The following MKNK2 variants were observed in gnomAD, a reference collection of about 807,000 sequenced individuals.
The protein encoded by MKNK2 is MAP kinase-interacting serine/threonine-protein kinase 2.
MKNK2 carries 54 observed loss-of-function variants against 55.0 expected under a neutral mutation model. The ratio of observed to expected loss-of-function variants is 0.98; its 90% confidence interval spans 0.79 to 1.23. The LOEUF (loss-of-function observed/expected upper bound fraction) is 1.23. Ranked by LOEUF, MKNK2 falls within the 50% of genes most tolerant of loss-of-function variation. The pLI, the probability that MKNK2 is intolerant of heterozygous loss-of-function variation, is 0.00. For missense variants in MKNK2, 685 were observed against 632.1 expected, an observed-to-expected ratio of 1.08 and a Z score of -0.90; for synonymous variants, 323 against 256.0, an observed-to-expected ratio of 1.26 and a Z score of -2.50.
chr19:2,039,534 A>T lies in MKNK2; in HGVS notation c.*79T>A. 2 of 1,498,400 alleles carry T rather than the reference A, an allele frequency of 1.3e-6. No homozygotes were observed. The highest frequency in any genetic ancestry group is 1.8e-6 in the Non-Finnish European group (2 of 1,121,270). The allele number at this position is 1,498,400 out of a possible 1,614,324, so 92.8% of individuals were successfully genotyped here. On this transcript the variant is annotated 3_prime_UTR_variant, in exon 14 of 14. Coordinates refer to ENST00000250896, the MANE Select transcript of MKNK2 (RefSeq NM_199054.3). The stretch of plus-strand genomic sequence containing the variant: ...GCAGAGGAGGGGCAGCCCGCTGGAC[A>T]CCGGCTGGCGATAGCTTAAAAAACC...
At position 2,037,875 on chromosome 19, in the gene MKNK2, C is replaced by A; in HGVS notation, c.*1738G>T. On this transcript the variant is annotated 3_prime_UTR_variant, in exon 14 of 14. Coordinates refer to ENST00000250896, the MANE Select transcript of MKNK2 (RefSeq NM_199054.3). The stretch of plus-strand genomic sequence containing the variant: ...ACAAACAAACAAACGCTGCTAGCCA[C>A]TCAGCTTTAGAGACCCGATGGCTAT... 1 of 1,540,536 alleles carries A rather than the reference C, an allele frequency of 6.5e-7. No homozygotes were observed.
At position 2,044,465 on chromosome 19, in the gene MKNK2, G is replaced by A. The variant is rs745626895; in HGVS notation, c.340-883C>T. On this transcript the variant is annotated intron_variant, in intron 5 of 13. Transcript: ENST00000250896. ...ACCTTCACTCACAGAGGTGGGGTGAGGAGGCGTCTGCAGCTTCCCCTGGCA... is the reference window on the plus strand; with the variant it reads ...ACCTTCACTCACAGAGGTGGGGTGAAGAGGCGTCTGCAGCTTCCCCTGGCA... 6.4e-4 allele frequency among the ~76,000 whole-genome samples: 98 copies of A among 152,334 alleles called. 1 individual carries two copies. The highest frequency in any genetic ancestry group is 1.3e-3 in the Non-Finnish European group (88 of 68,018).
chr19:2,050,730 C>A (rs980492007), intron 2 of MKNK2, 71 bp downstream of exon 2: 5 of 1,421,852 alleles, frequency 3.5e-6, no homozygotes, highest in Non-Finnish European at 3.8e-6. Context: ...TAGGGGCGGG[C>A]CCCGCGCCCC....
chr19:2,047,125 G>A (rs1324351783), intron 2 of MKNK2, among the ~76,000 whole-genome samples: 1 of 152,206 alleles, frequency 6.6e-6, no homozygotes, highest in Non-Finnish European at 1.5e-5. Context: ...ACCTCAGCAA[G>A]GCAAGATCAG....
At chr19:2,044,907 G>A in intron 5 of MKNK2, among the ~76,000 whole-genome samples, 1 of 152,176 alleles carries the variant, frequency 6.6e-6, no homozygotes, top group East Asian at 1.9e-4. Flanking sequence ...TGGGGGCTCT[G>A]CATCCAGCCA....
At chr19:2,050,758 G>A (rs2017098552) in intron 2 of MKNK2, 43 bp downstream of exon 2, 3 of 1,519,664 alleles carry the variant, frequency 2.0e-6, no homozygotes, top group African/African-American at 1.4e-5. Context: ...GGCCATTCCG[G>A]TGGTCCAGCC....
chr19:2,040,459 C>A (rs907601897), intron 12 of MKNK2: 5 of 451,228 alleles, frequency 1.1e-5, no homozygotes, highest in Non-Finnish European at 2.0e-5. Flanking sequence ...CCCATCTCTC[C>A]CGGCTGTTCC....
At chr19:2,043,277 C>T (rs1282073086) in intron 6 of MKNK2, 80 bp from the exon 7 acceptor site, 5 of 1,232,034 alleles carry the variant, frequency 4.1e-6, no homozygotes, top group Non-Finnish European at 6.0e-6. Context: ...TAGGAGGGGC[C>T]CACCCTCTTG....
intron 5 of MKNK2, among the ~76,000 whole-genome samples, chr19:2,045,103 C>T (rs776149535): frequency 5.9e-5 from 9 of 152,196 alleles, no homozygotes; most frequent in African/African-American, 1.2e-4. Context: ...GACCAACTCC[C>T]GGACGTCAGT....
rs905635443 is a variant in MKNK2, at chr19:2,038,868, G to A, written c.*745C>T. 10 of 985,566 alleles carry A rather than the reference G, an allele frequency of 1.0e-5. No homozygotes were observed. Among genetic ancestry groups the A allele is most frequent in the Admixed American group, 6.2e-5 (1 of 16,256 alleles). The allele number at this position is 985,566 out of a possible 1,614,324, so 61.1% of individuals were successfully genotyped here. ...TGGTGTGGAGGGGAGGGGCAGCGGC[G>A]AGCCCCTGGGGTCAGCTGCAGTTTA... On this transcript the variant is annotated 3_prime_UTR_variant, in exon 14 of 14. Coordinates refer to ENST00000250896, the MANE Select transcript of MKNK2 (RefSeq NM_199054.3).
In MKNK2 at chr19:2,039,255, G is replaced by T; in HGVS notation, c.*358C>A. 1 of 1,123,872 alleles carries T rather than the reference G, an allele frequency of 8.9e-7. No homozygotes were observed. The highest frequency in any genetic ancestry group is 4.7e-5 in the East Asian group (1 of 21,200). The allele number at this position is 1,123,872 out of a possible 1,614,324, so 69.6% of individuals were successfully genotyped here. On this transcript the variant is annotated 3_prime_UTR_variant, in exon 14 of 14. Coordinates refer to ENST00000250896, the MANE Select transcript of MKNK2 (RefSeq NM_199054.3). ...GGCCTGCTCTCCTGAGTCACTGCAA[G>T]CCACGTGGGCAGATGGCGGGCAGCA...
rs2016890968 is a variant in MKNK2 at position 2,041,834 on chromosome 19, C to T, written c.945+6G>A. 6.6e-7 allele frequency: 1 copy of T among 1,512,530 alleles called. No homozygotes were observed. The highest frequency in any genetic ancestry group is 8.8e-7 in the Non-Finnish European group (1 of 1,130,602). The allele number at this position is 1,512,530 out of a possible 1,614,324, so 93.7% of individuals were successfully genotyped here. On this transcript the variant is annotated splice_donor_region_variant and intron_variant, in intron 11 of 13. Transcript: ENST00000250896. The stretch of plus-strand genomic sequence containing the variant: ...CCAGGAGAGGAGGGTGCGCGGGCCG[C>T]CGCACCTGGCAGGCAGGGCAGGCCT...
chr19:2,040,400 G>C (rs1292201087), intron 12 of MKNK2: 6 of 537,798 alleles, frequency 1.1e-5, no homozygotes, highest in Non-Finnish European at 2.0e-5. Flanking sequence ...GGGCCAGGCT[G>C]AGGCCTGGTG....
At position 2,038,497 on chromosome 19, in the gene MKNK2, C is replaced by G. The variant is rs1299719131; in HGVS notation, c.*1116G>C. 1.0e-6 allele frequency: 1 copy of G among 985,434 alleles called. No individual in the cohort carries two copies. Among genetic ancestry groups the G allele is most frequent in the African/African-American group, 1.7e-5 (1 of 57,158 alleles). The allele number at this position is 985,434 out of a possible 1,614,324, so 61.0% of individuals were successfully genotyped here. ...ATGGAGGGTGGGGGGACTGAGCAGA[C>G]CCCCGCATTCCTGGGTGCCCGAAGG... On this transcript the variant is annotated 3_prime_UTR_variant, in exon 14 of 14. Coordinates refer to ENST00000250896, the MANE Select transcript of MKNK2 (RefSeq NM_199054.3).
chr19:2,042,354 G>A, intron 10 of MKNK2, 73 bp downstream of exon 10: 2 of 1,332,398 alleles, frequency 1.5e-6, no homozygotes, highest in South Asian at 1.3e-5. Flanking sequence ...GCTGCTGGAT[G>A]GCCCAGGCTC....
chr19:2,044,460 G>A (rs180943976), intron 5 of MKNK2, among the ~76,000 whole-genome samples: 2 of 152,192 alleles, frequency 1.3e-5, no homozygotes, highest in Non-Finnish European at 2.9e-5. Flanking sequence ...ACAGAGGTGG[G>A]GTGAGGAGGC....
At chr19:2,049,003 G>A (rs1336401677) in intron 2 of MKNK2, among the ~76,000 whole-genome samples, 4 of 152,186 alleles carry the variant, frequency 2.6e-5, no homozygotes, top group South Asian at 4.1e-4. Context: ...CCCCCAACTC[G>A]TGGGAGCTCA....
In MKNK2 at chr19:2,040,846, G is replaced by A. The variant is rs371407387; in HGVS notation, c.1110+194C>T. The A allele has an allele frequency of 3.3e-3, 2,039 of 613,098 alleles. 6 individuals are homozygous for A. Among genetic ancestry groups the A allele is most frequent in the Non-Finnish European group, 4.1e-3 (1,437 of 353,416 alleles). The allele number at this position is 613,098 out of a possible 1,614,324, so 38.0% of individuals were successfully genotyped here. A position where few individuals can be genotyped will look rare whatever the true frequency, so the allele number is the denominator to read the frequency against. On this transcript the variant is annotated intron_variant, in intron 12 of 13. Coordinates refer to ENST00000250896, the MANE Select transcript of MKNK2 (RefSeq NM_199054.3). ...GCTGCTCCTGGGAGCCGCCTGGCTGGCCAGCGGGCACCGTGCACAGGCGGG... is the reference window on the plus strand; with the variant it reads ...GCTGCTCCTGGGAGCCGCCTGGCTGACCAGCGGGCACCGTGCACAGGCGGG...
chr19:2,041,914 C>T lies in MKNK2; in HGVS notation c.871G>A (p.Gly291Ser). ...CAGCGGCCCACGAAGGGCGGGTAGC[C>T]GCTGAGTAGGATATACAAGATGACG... is the stretch of plus-strand genomic sequence containing the variant. ...LGVILYILLS[G>S]YPPFVGRCGS... The change falls in exon 11 of 14, where the codon GGC becomes AGC. Residue 291 changes from glycine (G) to serine (S), a missense_variant. Gly to Ser is a moderately conservative substitution (Grantham distance 56). Transcript: ENST00000250896. 2 of 1,547,968 alleles carry T rather than the reference C, an allele frequency of 1.3e-6. No homozygotes were observed. The highest frequency in any genetic ancestry group is 1.7e-6 in the Non-Finnish European group (2 of 1,145,720).
Sources: allele counts gnomAD v4.1 joint callset (sites outside exome capture counted in the v4.1 genomes callset), GRCh38; gene constraint gnomAD v4.1.1; transcripts MANE v1.5; gene names NCBI Gene and HGNC (gene_info 2026-07-23, HGNC 2026-07-21).